The following WWOX variants were observed in gnomAD, a reference collection of about 807,000 sequenced individuals.
WWOX encodes WW domain containing oxidoreductase.
In WWOX, 69 loss-of-function variants were observed where a neutral mutation model predicts 46.2. That is an observed-to-expected ratio of 1.49 (90% CI 1.23 to 1.82). WWOX has a LOEUF of 1.82. Among genes scored for constraint, WWOX ranks in the 40% most tolerant of loss-of-function variants. The pLI, the probability that WWOX is intolerant of heterozygous loss-of-function variation, is 0.00. For missense variants in WWOX, 919 were observed against 542.6 expected, an observed-to-expected ratio of 1.69 and a Z score of -6.89; for synonymous variants, 359 against 202.6, an observed-to-expected ratio of 1.77 and a Z score of -6.56.
chr16:78,392,407 G>T (rs527249435), intron 6 of WWOX, among the ~76,000 whole-genome samples: 1 of 152,062 alleles, frequency 6.6e-6, no homozygotes, highest in Non-Finnish European at 1.5e-5. Context: ...GGCTCCCACC[G>T]ATTGTACATT....
intron 8 of WWOX, among the ~76,000 whole-genome samples, chr16:78,599,298 C>T (rs934393593): frequency 5.9e-5 from 9 of 152,278 alleles, no homozygotes; most frequent in African/African-American, 1.9e-4. Context: ...CTCTCAGGGG[C>T]TTTAAATTAA....
At chr16:78,862,495 T>A (rs1184818064) in intron 8 of WWOX, among the ~76,000 whole-genome samples, 1 of 151,880 alleles carries the variant, frequency 6.6e-6, no homozygotes, top group Non-Finnish European at 1.5e-5. Flanking sequence ...CACACACACA[T>A]TTTTCTGTAT....
chr16:78,728,627 C>T (rs540826094), intron 8 of WWOX, among the ~76,000 whole-genome samples: 1 of 152,188 alleles, frequency 6.6e-6, no homozygotes, highest in African/African-American at 2.4e-5. Flanking sequence ...CCTCACAGAG[C>T]TTCTGGAAGG....
Position 79,201,896 on chromosome 16 carries a change from C to G in WWOX, c.1057-9712C>G, listed in dbSNP as rs74193807. The stretch of plus-strand genomic sequence containing the variant: ...TCACCTGTTTATTTCATGACACTTG[C>G]AGGAAAAAGAAGAATTTTCATTTGA... On this transcript the variant is annotated intron_variant, in intron 8 of 8. Coordinates refer to ENST00000566780, the MANE Select transcript of WWOX (RefSeq NM_016373.4). Among the ~76,000 whole-genome samples the G allele has an allele frequency of 2.9e-3, 435 of 152,176 alleles. 3 individuals are homozygous for G. Among genetic ancestry groups the G allele is most frequent in the East Asian group, 0.024 (126 of 5,176 alleles).
intron 8 of WWOX, among the ~76,000 whole-genome samples, chr16:78,950,921 T>C (rs1158530932): frequency 6.6e-6 from 1 of 152,160 alleles, no homozygotes; most frequent in East Asian, 1.9e-4. Flanking sequence ...GATAACATTG[T>C]CCAGATTTTC....
At chr16:78,976,333 C>T (rs1402375457) in intron 8 of WWOX, among the ~76,000 whole-genome samples, 1 of 152,232 alleles carries the variant, frequency 6.6e-6, no homozygotes, top group Non-Finnish European at 1.5e-5. Flanking sequence ...ACCGATGAAG[C>T]TGCTTTTGCT....
intron 5 of WWOX, chr16:78,265,962 A>T (rs1332335560): frequency 6.6e-6 from 1 of 152,220 alleles, no homozygotes; most frequent in Non-Finnish European, 1.5e-5. Context: ...AGATGTGGGA[A>T]TTGAGGTGTA....
chr16:79,006,194 C>T (rs1257834728), intron 8 of WWOX, among the ~76,000 whole-genome samples: 1 of 152,162 alleles, frequency 6.6e-6, no homozygotes, highest in Admixed American at 6.5e-5. Flanking sequence ...CAAGTTTGGC[C>T]TGCGGCAGGA....
rs8059174 is a variant in WWOX at position 78,424,616 on chromosome 16, C to G, written c.606-254C>G. Among the ~76,000 whole-genome samples, 1,705 of 152,134 alleles carry G rather than the reference C, an allele frequency of 0.011. 25 individuals carry two copies. Among genetic ancestry groups the G allele is most frequent in the African/African-American group, 0.039 (1,636 of 41,458 alleles). ...GTCCTGGTTTTCACACTGAAAGTTC[C>G]GTATCCTAATAAGCCTCTCATCCTC... On this transcript the variant is annotated intron_variant, in intron 6 of 8. Transcript: ENST00000566780.
At chr16:78,538,992 A>G (rs2043824342) in intron 8 of WWOX, among the ~76,000 whole-genome samples, 1 of 152,316 alleles carries the variant, frequency 6.6e-6, no homozygotes, top group Admixed American at 6.5e-5. Context: ...CAGCTGTGGG[A>G]TGAATGGGGA....
chr16:79,078,871 C>G (rs1018565695), intron 8 of WWOX, among the ~76,000 whole-genome samples: 9 of 152,146 alleles, frequency 5.9e-5, no homozygotes, highest in African/African-American at 2.2e-4. Flanking sequence ...AACCAATTGC[C>G]AGGCACATAA....
chr16:78,365,428 C>T (rs1212201726), intron 5 of WWOX, among the ~76,000 whole-genome samples: 1 of 152,156 alleles, frequency 6.6e-6, no homozygotes, highest in Non-Finnish European at 1.5e-5. Context: ...TCTTGGCACA[C>T]AGAGCATCCC....
intron 8 of WWOX, among the ~76,000 whole-genome samples, chr16:78,674,455 T>G (rs1446367395): frequency 6.6e-6 from 1 of 152,096 alleles, no homozygotes; most frequent in Non-Finnish European, 1.5e-5. Context: ...CAGCTAATTT[T>G]TGTATTTTTA....
At chr16:78,687,062 T>A (rs1207707482) in intron 8 of WWOX, among the ~76,000 whole-genome samples, 2 of 150,124 alleles carry the variant, frequency 1.3e-5, no homozygotes, top group East Asian at 3.9e-4. Context: ...GGAGTTTATT[T>A]TCATCTTTAT....
chr16:79,091,835 C>T (rs2048967903), intron 8 of WWOX, among the ~76,000 whole-genome samples: 1 of 131,294 alleles, frequency 7.6e-6, no homozygotes. Flanking sequence ...GGCTGGAGAG[C>T]AGTGGTATTA....
At chr16:78,613,649 T>A (rs978457031) in intron 8 of WWOX, among the ~76,000 whole-genome samples, 1 of 152,170 alleles carries the variant, frequency 6.6e-6, no homozygotes, top group Non-Finnish European at 1.5e-5. Flanking sequence ...TAAGTATTGC[T>A]AGAGATGGCT....
intron 8 of WWOX, among the ~76,000 whole-genome samples, chr16:78,640,799 C>T (rs944926533): frequency 2.6e-5 from 4 of 151,966 alleles, no homozygotes; most frequent in Admixed American, 6.6e-5. Context: ...ATTAGCCGGG[C>T]GTGGCAGTGT....
At chr16:78,914,845 C>T (rs530320596) in intron 8 of WWOX, among the ~76,000 whole-genome samples, 1 of 144,388 alleles carries the variant, frequency 6.9e-6, no homozygotes, top group African/African-American at 2.6e-5. Flanking sequence ...CGCCACTGCA[C>T]TCCCGCCCGG....
At chr16:78,941,180 A>G (rs1263363577) in intron 8 of WWOX, among the ~76,000 whole-genome samples, 2 of 152,182 alleles carry the variant, frequency 1.3e-5, no homozygotes, top group Non-Finnish European at 2.9e-5. Context: ...TGAATAGGAA[A>G]TATCCCAGTT....
Sources: gnomAD v4.1 joint callset for allele counts (sites outside exome capture counted in the v4.1 genomes callset) on GRCh38, gnomAD v4.1.1 for gene constraint, MANE v1.5 for transcripts, NCBI Gene and HGNC (gene_info 2026-07-23, HGNC 2026-07-21) for gene names.